The following CDC42BPB variants were observed in gnomAD, a reference collection of about 807,000 sequenced individuals.
The protein encoded by CDC42BPB is CDC42 binding protein kinase beta.
In CDC42BPB, 37 loss-of-function variants were observed where a neutral mutation model predicts 214.9. That is an observed-to-expected ratio of 0.17 (90% CI 0.13 to 0.23). The LOEUF (loss-of-function observed/expected upper bound fraction) is 0.23. Among genes scored for constraint, CDC42BPB ranks in the 10% least tolerant of loss-of-function variants. The pLI is 1.00. For synonymous variants in CDC42BPB, 931 were observed against 884.0 expected, an observed-to-expected ratio of 1.05 and a Z score of -0.94; for missense variants, 1,694 against 2,227.0, an observed-to-expected ratio of 0.76 and a Z score of 4.82.
chr14:102,939,913 G>A lies in CDC42BPB; in HGVS notation c.4626C>T (p.Asn1542=), dbSNP rs1891811863. ...TGGTGCGCAGCATCTGCTTCTTGCT[G>A]TTGTCGGAGGTGTCCGGCACGTTGA... The part of the protein sequence containing the change: ...AVLNVPDTSD[N]SKKQMLRTRS... The change falls in exon 33 of 37, where the codon AAC becomes AAT. Residue 1542 remains asparagine (N), a synonymous_variant. Coordinates refer to ENST00000361246, the MANE Select transcript of CDC42BPB (RefSeq NM_006035.4). 1 of 1,614,006 alleles carries A rather than the reference G, an allele frequency of 6.2e-7. No individual in the cohort carries two copies. Among genetic ancestry groups the A allele is most frequent in the African/African-American group, 1.3e-5 (1 of 75,062 alleles).
In CDC42BPB at chr14:102,944,183, A is replaced by G; in HGVS notation, c.4116T>C (p.Ala1372=). Residue 1372 remains alanine (A), a synonymous_variant, in exon 30 of 37, where the codon GCT becomes GCC. Transcript: ENST00000361246. The surrounding 1 kb of genome is among the most constrained non-coding windows in gnomAD (Gnocchi z 6.6). ...CCGCCAGGCACTGCACGCTGCCGGG[A>G]GCCACAATCTCATTGAACTTTCTGT... is the stretch of plus-strand genomic sequence containing the variant. ...PFHRKFNEIV[A]PGSVQCLAVL... is the part of the protein sequence containing the mutation. The G allele has an allele frequency of 6.2e-7, 1 of 1,613,324 alleles. No individual in the cohort carries two copies. Among genetic ancestry groups the G allele is most frequent in the Non-Finnish European group, 8.5e-7 (1 of 1,180,030 alleles).
intron 2 of CDC42BPB, 55 bp from the exon 3 acceptor site, chr14:103,008,610 A>G: frequency 1.3e-6 from 2 of 1,591,506 alleles, no homozygotes; most frequent in Non-Finnish European, 1.7e-6. Context: ...AAAGGCTAGC[A>G]CGCTGGAGCT....
At position 102,933,635 on chromosome 14, in the gene CDC42BPB, T is replaced by C; in HGVS notation, c.*77A>G. 1 of 1,193,564 alleles carries C rather than the reference T, an allele frequency of 8.4e-7. No homozygotes were observed. The highest frequency in any genetic ancestry group is 2.0e-5 in the South Asian group (1 of 50,722). The allele number at this position is 1,193,564 out of a possible 1,614,324, so 73.9% of individuals were successfully genotyped here. On this transcript the variant is annotated 3_prime_UTR_variant, in exon 37 of 37. Transcript: ENST00000361246. ...GATTCTACATTTCCTTGGACAACACTGGAGGGCCCGCTCAGTCTTGGCACT... is the reference window on the plus strand; with the variant it reads ...GATTCTACATTTCCTTGGACAACACCGGAGGGCCCGCTCAGTCTTGGCACT...
chr14:103,052,338 T>A (rs1888653312), intron 1 of CDC42BPB, among the ~76,000 whole-genome samples: 1 of 152,240 alleles, frequency 6.6e-6, no homozygotes, highest in Non-Finnish European at 1.5e-5. Flanking sequence ...AAGTCTGTTA[T>A]TTTTAAAAAG....
At chr14:103,036,246 G>A (rs144400051) in intron 1 of CDC42BPB, among the ~76,000 whole-genome samples, 2 of 149,670 alleles carry the variant, frequency 1.3e-5, no homozygotes, top group Non-Finnish European at 3.0e-5. Flanking sequence ...TCCCCCTCCT[G>A]GGTTCACACC....
chr14:102,971,449 C>G (rs1228522611), intron 13 of CDC42BPB, among the ~76,000 whole-genome samples: 2 of 152,214 alleles, frequency 1.3e-5, no homozygotes, highest in Non-Finnish European at 2.9e-5. Context: ...TTCAGAAGCA[C>G]TCACCTAAGC....
chr14:102,994,200 T>G (rs557315034), intron 5 of CDC42BPB, among the ~76,000 whole-genome samples: 1 of 152,038 alleles, frequency 6.6e-6, no homozygotes, highest in East Asian at 1.9e-4. Flanking sequence ...AACAGGGATG[T>G]TTTTCCAGGG....
intron 1 of CDC42BPB, among the ~76,000 whole-genome samples, chr14:103,051,177 C>T (rs910586211): frequency 2.7e-5 from 4 of 146,208 alleles, no homozygotes; most frequent in Non-Finnish European, 4.4e-5. Context: ...GATTACTACA[C>T]GCAGTTCACA....
At chr14:103,024,604 A>G (rs1886946666) in intron 1 of CDC42BPB, among the ~76,000 whole-genome samples, 1 of 152,244 alleles carries the variant, frequency 6.6e-6, no homozygotes, top group Admixed American at 6.5e-5. Flanking sequence ...AGCTTATAAC[A>G]TAGTCCTTCC....
intron 6 of CDC42BPB, chr14:102,986,199 G>A (rs971377657): frequency 2.9e-6 from 1 of 341,592 alleles, no homozygotes; most frequent in Non-Finnish European, 5.5e-6. Context: ...CTGCTACAGG[G>A]CTGGCATGCT....
intron 1 of CDC42BPB, among the ~76,000 whole-genome samples, chr14:103,021,533 A>AT (rs1886772391): frequency 6.6e-6 from 1 of 151,872 alleles, no homozygotes; most frequent in African/African-American, 2.4e-5. Flanking sequence ...AAATACAAAA[A>AT]TTAGCTGGGC....
At chr14:103,012,966 G>A (rs138867889) in intron 1 of CDC42BPB, among the ~76,000 whole-genome samples, 1 of 152,320 alleles carries the variant, frequency 6.6e-6, no homozygotes, top group East Asian at 1.9e-4. Flanking sequence ...AGTCTGTGAC[G>A]TGCTGTTGTC....
chr14:102,948,051 C>T, intron 26 of CDC42BPB: 1 of 798,808 alleles, frequency 1.3e-6, no homozygotes, highest in South Asian at 5.7e-5. Flanking sequence ...TGTGCTGGTG[C>T]CTCCAGACTA....
intron 8 of CDC42BPB, among the ~76,000 whole-genome samples, chr14:102,980,116 T>C (rs1310992691): frequency 6.6e-6 from 1 of 152,234 alleles, no homozygotes; most frequent in Non-Finnish European, 1.5e-5. Context: ...CATGTCTTGG[T>C]GTCTTTCAAC....
rs568763802 is a variant in CDC42BPB at position 103,033,734 on chromosome 14, G to A, written c.176-21546C>T. On this transcript the variant is annotated intron_variant, in intron 1 of 36. Coordinates refer to ENST00000361246, the MANE Select transcript of CDC42BPB (RefSeq NM_006035.4). ...AATAATATTTAAATAGAGGATGGCT[G>A]AGTGACATGGGATACCAGCTAGAAG... Among the ~76,000 whole-genome samples the A allele has an allele frequency of 3.3e-5, 5 of 152,296 alleles. No homozygotes were observed. The South Asian group carries it at 1.0e-3, about 32-fold the overall frequency.
chr14:102,968,367 G>A lies in CDC42BPB; in HGVS notation c.2241-9C>T, dbSNP rs758114248. On this transcript the variant is annotated splice_polypyrimidine_tract_variant and intron_variant, in intron 15 of 36. Transcript: ENST00000361246. ...CCTCCATCTCGTTATGCCTGCCAAG[G>A]TGAGCGAGAAACAGTTTTAAAAGCT... The A allele has an allele frequency of 6.2e-7, 1 of 1,613,360 alleles. No homozygotes were observed. Among genetic ancestry groups the A allele is most frequent in the African/African-American group, 1.3e-5 (1 of 74,828 alleles).
intron 5 of CDC42BPB, among the ~76,000 whole-genome samples, chr14:102,997,261 C>T (rs1384952586): frequency 2.0e-5 from 3 of 152,122 alleles, no homozygotes; most frequent in South Asian, 2.1e-4. Context: ...GTGATGCCTG[C>T]GAAGTCCCAA....
intron 10 of CDC42BPB, 37 bp downstream of exon 10, chr14:102,975,846 C>T (rs746613031): frequency 4.3e-6 from 7 of 1,613,748 alleles, no homozygotes; most frequent in East Asian, 4.5e-5. Context: ...CTGGCCGCAG[C>T]GCCCCCGCCT....
At chr14:102,969,472 G>A (rs1482031676) in intron 14 of CDC42BPB, among the ~76,000 whole-genome samples, 2 of 152,182 alleles carry the variant, frequency 1.3e-5, no homozygotes, top group East Asian at 1.9e-4. Context: ...CAGGAGCCTC[G>A]GGCACCACAT....
Sources: allele counts gnomAD v4.1 joint callset (sites outside exome capture counted in the v4.1 genomes callset), GRCh38; gene constraint gnomAD v4.1.1; non-coding constraint Gnocchi (gnomAD v3.1); transcripts MANE v1.5; gene names NCBI Gene and HGNC (gene_info 2026-07-23, HGNC 2026-07-21).